The following TMEM132C variants were observed in gnomAD, a reference collection of about 807,000 sequenced individuals.
TMEM132C encodes the protein transmembrane protein 132C, also known as protein phosphatase 1, regulatory subunit 152.
A neutral mutation model predicts 61.4 loss-of-function variants in TMEM132C; 29 were observed. The ratio of observed to expected loss-of-function variants is 0.47; its 90% confidence interval spans 0.35 to 0.64. The LOEUF (loss-of-function observed/expected upper bound fraction) is 0.64. TMEM132C is among the 30% of genes least tolerant of loss of function. The pLI is 0.00. For synonymous variants in TMEM132C, 656 were observed against 633.1 expected (o/e 1.04, Z -0.54); for missense variants, 1,408 against 1,476.9 (o/e 0.95, Z 0.76).
chr12:128,622,356 AAAAAAT>A (rs1465674359), intron 4 of TMEM132C, among the ~76,000 whole-genome samples: 2 of 59,212 alleles, frequency 3.4e-5, no homozygotes, highest in African/African-American at 1.7e-4. Flanking sequence ...AAAAAAAAAA[AAAAAAT>A]ATATATATAT....
intron 1 of TMEM132C, among the ~76,000 whole-genome samples, chr12:128,347,661 C>A (rs906986275): frequency 6.6e-6 from 1 of 152,212 alleles, no homozygotes; most frequent in Non-Finnish European, 1.5e-5. Flanking sequence ...CTCCCGAGGT[C>A]AGGTGATCCA....
intron 2 of TMEM132C, among the ~76,000 whole-genome samples, chr12:128,477,790 C>T (rs1388828399): frequency 6.6e-6 from 1 of 152,200 alleles, no homozygotes; most frequent in Non-Finnish European, 1.5e-5. Flanking sequence ...CCATATTGGC[C>T]AGGTTGGTCT....
intron 2 of TMEM132C, among the ~76,000 whole-genome samples, chr12:128,536,397 G>A (rs572785740): frequency 1.3e-5 from 2 of 152,108 alleles, no homozygotes; most frequent in Non-Finnish European, 1.5e-5. Flanking sequence ...GTCATGGGGT[G>A]GGGGGCTGGG....
chr12:128,426,827 GA>G (rs1869202358), intron 2 of TMEM132C, among the ~76,000 whole-genome samples: 1 of 152,210 alleles, frequency 6.6e-6, no homozygotes. Flanking sequence ...TGTGAAAACA[GA>G]AAGGAACCAG....
intron 1 of TMEM132C, among the ~76,000 whole-genome samples, chr12:128,329,961 TC>T (rs569848601): frequency 7.2e-4 from 109 of 152,342 alleles, no homozygotes; most frequent in African/African-American, 2.4e-3. Flanking sequence ...GATGCCTGTG[TC>T]CATGTGTACA....
rs567970622 is a variant in TMEM132C at position 128,694,639 on chromosome 12, A to G, written c.1655+605A>G. 9.2e-5 allele frequency among the ~76,000 whole-genome samples: 14 copies of G among 152,296 alleles called. No individual in the cohort carries two copies. In the South Asian group the frequency reaches 2.9e-3, roughly 32 times the overall value. Reference sequence around the variant, plus strand: ...TGCCTGGAATGCTCCACCCCAGACCATCAGGGCTCTTTCCCTGACAGTCCC... The same window carrying G: ...TGCCTGGAATGCTCCACCCCAGACCGTCAGGGCTCTTTCCCTGACAGTCCC... On this transcript the variant is annotated intron_variant, in intron 6 of 8. Transcript: ENST00000435159.
At chr12:128,300,672 T>G (rs1871566041) in intron 1 of TMEM132C, among the ~76,000 whole-genome samples, 1 of 152,180 alleles carries the variant, frequency 6.6e-6, no homozygotes, top group South Asian at 2.1e-4. Context: ...CAAGAAGATG[T>G]GCTTCCCTAG....
intron 2 of TMEM132C, among the ~76,000 whole-genome samples, chr12:128,521,088 T>C (rs1872890455): frequency 6.6e-6 from 1 of 152,090 alleles, no homozygotes; most frequent in Admixed American, 6.5e-5. Context: ...CTTTAATTCT[T>C]ACACTGATCA....
chr12:128,521,315 ATATATG>A (rs939185821), intron 2 of TMEM132C, among the ~76,000 whole-genome samples: 25 of 69,216 alleles, frequency 3.6e-4, no homozygotes, highest in South Asian at 1.2e-3. Context: ...GTGTATATAT[ATATATG>A]TGTGTGTGTG....
Position 128,352,577 on chromosome 12 carries a change from G to C in TMEM132C, c.86-62155G>C, listed in dbSNP as rs1308418951. ...AAAATAATGTTTGACCAAATATCTG[G>C]ACACCTAGTCAGGTTGACACATAAA... On this transcript the variant is annotated intron_variant, in intron 1 of 8. Transcript: ENST00000435159. Among the ~76,000 whole-genome samples, 4 of 152,146 alleles carry C rather than the reference G, an allele frequency of 2.6e-5. No individual in the cohort carries two copies. In the East Asian group the frequency reaches 7.7e-4, roughly 29 times the overall value.
Position 128,414,850 on chromosome 12 carries a change from C to A in TMEM132C, c.204C>A (p.Asn68Lys). Residue 68 changes from asparagine (N) to lysine (K), a missense_variant, in exon 2 of 9, where the codon AAC becomes AAA. Transcript: ENST00000435159. ...AETSFFLKEA[N>K]QDLLRNSSLQ... The stretch of plus-strand genomic sequence containing the variant: ...CCTCCTTCTTCCTCAAGGAAGCCAA[C>A]CAGGACCTGCTGCGGAACTCCAGCC... 1 of 1,550,102 alleles carries A rather than the reference C, an allele frequency of 6.5e-7. No individual in the cohort carries two copies.
intron 2 of TMEM132C, among the ~76,000 whole-genome samples, chr12:128,435,159 T>C (rs1869537947): frequency 6.6e-6 from 1 of 152,190 alleles, no homozygotes; most frequent in South Asian, 2.1e-4. Context: ...AGGAACCAAC[T>C]TTGCCAATAC....
chr12:128,465,356 G>A (rs377341661), intron 2 of TMEM132C, among the ~76,000 whole-genome samples: 10 of 150,814 alleles, frequency 6.6e-5, no homozygotes, highest in African/African-American at 2.2e-4. Flanking sequence ...CTGCCACCAC[G>A]CCCAGCTAAT....
At chr12:128,436,518 T>C (rs1869596092) in intron 2 of TMEM132C, among the ~76,000 whole-genome samples, 2 of 151,782 alleles carry the variant, frequency 1.3e-5, no homozygotes, top group Admixed American at 6.6e-5. Context: ...AAGAAGACAT[T>C]TATGCAGCCA....
At chr12:128,573,629 A>T (rs995115407) in intron 3 of TMEM132C, among the ~76,000 whole-genome samples, 12 of 141,144 alleles carry the variant, frequency 8.5e-5, no homozygotes, top group African/African-American at 1.5e-4. Context: ...AAAAAAGATT[A>T]AAAAAAAAAG....
intron 3 of TMEM132C, among the ~76,000 whole-genome samples, chr12:128,610,345 G>A (rs766370203): frequency 3.3e-5 from 5 of 152,186 alleles, no homozygotes; most frequent in Admixed American, 6.5e-5. Flanking sequence ...GGGAGGTAAA[G>A]CCCTTTTGGC....
intron 2 of TMEM132C, among the ~76,000 whole-genome samples, chr12:128,541,887 A>C (rs1873770683): frequency 6.6e-6 from 1 of 152,120 alleles, no homozygotes; most frequent in South Asian, 2.1e-4. Flanking sequence ...CCCGCCTGCG[A>C]ATCTCAGCAT....
At chr12:128,608,540 A>T (rs1006809195) in intron 3 of TMEM132C, among the ~76,000 whole-genome samples, 2 of 152,242 alleles carry the variant, frequency 1.3e-5, no homozygotes, top group African/African-American at 4.8e-5. Flanking sequence ...CAGAACCCAG[A>T]GTTGTAAGAT....
intron 1 of TMEM132C, among the ~76,000 whole-genome samples, chr12:128,369,908 T>C (rs946596830): frequency 1.3e-5 from 2 of 152,256 alleles, no homozygotes; most frequent in Non-Finnish European, 2.9e-5. Context: ...CATCATGATA[T>C]ATCTGCCACA....
Sources: allele counts gnomAD v4.1 joint callset (sites outside exome capture counted in the v4.1 genomes callset), GRCh38; gene constraint gnomAD v4.1.1; transcripts MANE v1.5; gene names NCBI Gene and HGNC (gene_info 2026-07-23, HGNC 2026-07-21).